The following HIVEP2 variants were observed in gnomAD, a reference collection of about 807,000 sequenced individuals.
The protein encoded by HIVEP2 is transcription factor HIVEP2.
In HIVEP2, 14 loss-of-function variants were observed where a neutral mutation model predicts 180.7. The observed-to-expected ratio is 0.08, with a 90% CI of 0.05 to 0.12. The LOEUF (loss-of-function observed/expected upper bound fraction) is 0.12. Ranked by LOEUF, HIVEP2 falls within the 10% of genes least tolerant of loss-of-function variation. The pLI, the probability that HIVEP2 is intolerant of heterozygous loss-of-function variation, is 1.00. For synonymous variants in HIVEP2, 1,184 were observed against 1,136.4 expected (o/e 1.04, Z -0.84); for missense variants, 2,579 against 3,008.5 (o/e 0.86, Z 3.34).
rs1288784819 is a variant in HIVEP2, at chr6:142,868,285, C to G, written c.-640-31238G>C. On this transcript the variant is annotated intron_variant, in intron 1 of 9. Coordinates refer to ENST00000367603, the MANE Select transcript of HIVEP2 (RefSeq NM_006734.4). Reference sequence around the variant, plus strand: ...TACTACAATAACGGAACAAATACTTCCTTTTACCGTACAGTAAATTCCTTC... The same window carrying G: ...TACTACAATAACGGAACAAATACTTGCTTTTACCGTACAGTAAATTCCTTC... 3.3e-5 allele frequency among the ~76,000 whole-genome samples: 5 copies of G among 152,142 alleles called. No individual in the cohort carries two copies. In the East Asian group the frequency reaches 9.6e-4, roughly 29 times the overall value.
At chr6:142,877,324 A>G (rs1164039429) in intron 1 of HIVEP2, among the ~76,000 whole-genome samples, 1 of 152,222 alleles carries the variant, frequency 6.6e-6, no homozygotes, top group African/African-American at 2.4e-5. Flanking sequence ...GTGACTGCTA[A>G]GTAACTAAGG....
At chr6:142,932,829 A>G (rs1038674615) in intron 1 of HIVEP2, among the ~76,000 whole-genome samples, 1 of 152,232 alleles carries the variant, frequency 6.6e-6, no homozygotes, top group African/African-American at 2.4e-5. Context: ...TCAGTTAGAG[A>G]TTAAATGATG....
At chr6:142,928,760 C>G (rs1777873048) in intron 1 of HIVEP2, among the ~76,000 whole-genome samples, 1 of 152,194 alleles carries the variant, frequency 6.6e-6, no homozygotes, top group Admixed American at 6.5e-5. Flanking sequence ...CAGTTCAGGA[C>G]TAGCATAGCT....
At position 142,887,046 on chromosome 6, in the gene HIVEP2, C is replaced by T. The variant is rs1354360385; in HGVS notation, c.-640-49999G>A. ...CCTAAATGGAAATGTTCACTGGTGC[C>T]CTCTAGTTGATCATTGCTAAAGCAA... On this transcript the variant is annotated intron_variant, in intron 1 of 9. Transcript: ENST00000367603. Among the ~76,000 whole-genome samples, 5 of 152,224 alleles carry T rather than the reference C, an allele frequency of 3.3e-5. No individual in the cohort carries two copies. The East Asian group carries it at 9.7e-4, about 29-fold the overall frequency.
At chr6:142,820,193 C>A (rs186783308) in intron 2 of HIVEP2, among the ~76,000 whole-genome samples, 2 of 152,166 alleles carry the variant, frequency 1.3e-5, no homozygotes, top group East Asian at 3.9e-4. Flanking sequence ...CTGATCTAAC[C>A]TTCATTAATT....
intron 1 of HIVEP2, among the ~76,000 whole-genome samples, chr6:142,875,765 A>G (rs1776419410): frequency 6.6e-6 from 1 of 152,168 alleles, no homozygotes; most frequent in Non-Finnish European, 1.5e-5. Context: ...GGTTTGGTGG[A>G]GGAGCACAGC....
At chr6:142,882,496 C>T (rs749796766) in intron 1 of HIVEP2, among the ~76,000 whole-genome samples, 3 of 151,896 alleles carry the variant, frequency 2.0e-5, no homozygotes, top group Non-Finnish European at 4.4e-5. Flanking sequence ...CACCTGTAGT[C>T]CTAGCTACTT....
chr6:142,858,362 G>C (rs1289560271), intron 1 of HIVEP2, among the ~76,000 whole-genome samples: 1 of 151,748 alleles, frequency 6.6e-6, no homozygotes, highest in Non-Finnish European at 1.5e-5. Context: ...TAACACACAG[G>C]CATGAGTGCT....
At chr6:142,892,384 G>T (rs968275483) in intron 1 of HIVEP2, among the ~76,000 whole-genome samples, 5 of 152,284 alleles carry the variant, frequency 3.3e-5, no homozygotes, top group Admixed American at 1.3e-4. Context: ...CATGGATAAA[G>T]CTCTTCCTAC....
intron 7 of HIVEP2, among the ~76,000 whole-genome samples, chr6:142,763,289 GCA>G: frequency 6.6e-6 from 1 of 152,272 alleles, no homozygotes; most frequent in Middle Eastern, 3.4e-3. Context: ...TGAAGAAGTG[GCA>G]CAGACAAGGA....
intron 2 of HIVEP2, among the ~76,000 whole-genome samples, chr6:142,802,999 T>C (rs1776451444): frequency 1.3e-5 from 2 of 152,264 alleles, no homozygotes; most frequent in African/African-American, 4.8e-5. Flanking sequence ...AAAAGATCTT[T>C]GGCATTTTTA....
chr6:142,791,968 A>C (rs935203097), intron 2 of HIVEP2, among the ~76,000 whole-genome samples: 1 of 152,216 alleles, frequency 6.6e-6, no homozygotes, highest in Non-Finnish European at 1.5e-5. Context: ...AAGGAACTCT[A>C]TCTTAGATTT....
chr6:142,775,208 C>A, intron 4 of HIVEP2, 83 bp from the exon 5 acceptor site: 1 of 287,634 alleles, frequency 3.5e-6, no homozygotes, highest in Non-Finnish European at 5.2e-6. Flanking sequence ...ACTAACCAAC[C>A]AGAAATTAGA....
chr6:142,773,297 C>A lies in HIVEP2; in HGVS notation c.1442G>T (p.Ser481Ile). 1.2e-6 allele frequency: 2 copies of A among 1,614,208 alleles called. No individual in the cohort carries two copies. The highest frequency in any genetic ancestry group is 1.7e-6 in the Non-Finnish European group (2 of 1,180,040). Reference protein sequence around the residue: ...FEDPVSQLIPSKGDVDPSQTS... With the variant: ...FEDPVSQLIPIKGDVDPSQTS... ...TTGACTGGGGTCGACATCTCCCTTG[C>A]TTGGGATCAGCTGTGAAACAGGATC... The change falls in exon 5 of 10, where the codon AGC (serine) becomes ATC (isoleucine). Residue 481 changes from serine to isoleucine, a missense_variant. Coordinates refer to ENST00000367603, the MANE Select transcript of HIVEP2 (RefSeq NM_006734.4).
At position 142,764,979 on chromosome 6, in the gene HIVEP2, T is replaced by C; in HGVS notation, c.5343-5A>G. 1 of 1,595,960 alleles carries C rather than the reference T, an allele frequency of 6.3e-7. No individual in the cohort carries two copies. The highest frequency in any genetic ancestry group is 8.6e-7 in the Non-Finnish European group (1 of 1,166,360). The stretch of plus-strand genomic sequence containing the variant: ...TAATCTTCATTCGATTTGTACCTGT[T>C]TTAAAAAGAGGGAATCCAGTGTGTT... On this transcript the variant is annotated splice_polypyrimidine_tract_variant and splice_region_variant and intron_variant, in intron 6 of 9. Coordinates refer to ENST00000367603, the MANE Select transcript of HIVEP2 (RefSeq NM_006734.4).
Position 142,896,297 on chromosome 6 carries a change from C to G in HIVEP2, c.-641+48802G>C, listed in dbSNP as rs116402446. On this transcript the variant is annotated intron_variant, in intron 1 of 9. Transcript: ENST00000367603. ...TCACCATCTTCCTCCTCCTCCTGCTCTGGGTTTCTTTCACTATTGTCTCTG... is the reference window on the plus strand; with the variant it reads ...TCACCATCTTCCTCCTCCTCCTGCTGTGGGTTTCTTTCACTATTGTCTCTG... 3.1e-3 allele frequency among the ~76,000 whole-genome samples: 469 copies of G among 152,318 alleles called. 2 individuals carry two copies. Among genetic ancestry groups the G allele is most frequent in the African/African-American group, 0.011 (454 of 41,564 alleles).
At chr6:142,926,480 T>C (rs1327980500) in intron 1 of HIVEP2, among the ~76,000 whole-genome samples, 1 of 152,238 alleles carries the variant, frequency 6.6e-6, no homozygotes, top group Non-Finnish European at 1.5e-5. Context: ...GAGGGAGAGT[T>C]AAACAAGGTT....
chr6:142,826,577 C>G (rs1774909901), intron 2 of HIVEP2, among the ~76,000 whole-genome samples: 1 of 152,164 alleles, frequency 6.6e-6, no homozygotes, highest in South Asian at 2.1e-4. Context: ...CACTTCAATT[C>G]TCAAGGAAAA....
At chr6:142,876,508 G>C (rs67253362) in intron 1 of HIVEP2, among the ~76,000 whole-genome samples, 37,794 of 151,996 alleles carry the variant, frequency 0.25, 5,246 homozygotes, top group East Asian at 0.35. Context: ...GCAGTGATGA[G>C]AGCCTGCATT....
Sources: allele counts gnomAD v4.1 joint callset (sites outside exome capture counted in the v4.1 genomes callset), GRCh38; gene constraint gnomAD v4.1.1; transcripts MANE v1.5; gene names NCBI Gene and HGNC (gene_info 2026-07-23, HGNC 2026-07-21).